CNTD1: variants seen among roughly 807,000 people sequenced by gnomAD.
The protein encoded by CNTD1 is cyclin N-terminal domain containing 1.
CNTD1 carries 17 observed loss-of-function variants against 36.3 expected under a neutral mutation model. The ratio of observed to expected loss-of-function variants is 0.47; its 90% CI spans 0.32 to 0.70. The LOEUF (loss-of-function observed/expected upper bound fraction) is 0.70, where lower values mean the gene tolerates loss of function less well. CNTD1 is among the 30% of genes least tolerant of loss of function. The pLI is 0.03. For synonymous variants in CNTD1, 128 were observed against 153.3 expected (o/e 0.83, Z 1.22); for missense variants, 338 against 386.1 (o/e 0.88, Z 1.04).
intron 3 of CNTD1, among the ~76,000 whole-genome samples, chr17:42,804,935 C>T (rs2054854115): frequency 6.6e-6 from 1 of 152,148 alleles, no homozygotes; most frequent in Non-Finnish European, 1.5e-5. Flanking sequence ...CACACGCACA[C>T]ACATGATCTT....
At position 42,807,748 on chromosome 17, in the gene CNTD1, AT is replaced by A; in HGVS notation, c.726-19del. 1 of 1,544,026 alleles carries A rather than the reference AT, an allele frequency of 6.5e-7. No individual in the cohort carries two copies. Among genetic ancestry groups the A allele is most frequent in the Non-Finnish European group, 9.0e-7 (1 of 1,116,166 alleles). ...AAGTTCCATTCTAGCTTTAAAATTA[AT>A]GTGGTTTTAATCACTCAGGGAAAAG... is the stretch of plus-strand genomic sequence containing the variant. On this transcript the variant is annotated intron_variant, in intron 5 of 6. Coordinates refer to ENST00000588408, the MANE Select transcript of CNTD1 (RefSeq NM_173478.3).
rs1159474658 is a variant in CNTD1, at chr17:42,811,442, T to C, written c.*1907T>C. 3 of 498,592 alleles carry C rather than the reference T, an allele frequency of 6.0e-6. No individual in the cohort carries two copies. Among genetic ancestry groups the C allele is most frequent in the Non-Finnish European group, 1.0e-5 (3 of 300,494 alleles). 30.9% of individuals were successfully genotyped at this position (498,592 alleles called of 1,614,324 possible). ...TATGCCAAGAAAACCCCCTAAACCA[T>C]CTAAGGCAACATTCTTCTACTCCAA... On this transcript the variant is annotated 3_prime_UTR_variant, in exon 7 of 7. Transcript: ENST00000588408.
rs907096980 is a variant in CNTD1, at chr17:42,811,344, A to C, written c.*1809A>C. 2.0e-5 allele frequency: 6 copies of C among 303,854 alleles called. No individual in the cohort carries two copies. The highest frequency in any genetic ancestry group is 1.3e-4 in the African/African-American group (6 of 46,574). The allele number at this position is 303,854 out of a possible 1,614,324, so 18.8% of individuals were successfully genotyped here. On this transcript the variant is annotated 3_prime_UTR_variant, in exon 7 of 7. Transcript: ENST00000588408. The stretch of plus-strand genomic sequence containing the variant: ...ATCAATGGGATCCTAGAAAAATCAA[A>C]AGAAGCATTCCTGTGTATTTCCAAG...
chr17:42,800,832 AACGTG>A (rs1325439630), intron 1 of CNTD1, among the ~76,000 whole-genome samples: 1 of 151,980 alleles, frequency 6.6e-6, no homozygotes, highest in Non-Finnish European at 1.5e-5. Flanking sequence ...GAAGGAGGAA[AACGTG>A]ACTATGCTAA....
chr17:42,801,109 T>C (rs1376862625), intron 1 of CNTD1, among the ~76,000 whole-genome samples: 2 of 135,972 alleles, frequency 1.5e-5, no homozygotes, highest in South Asian at 2.4e-4. Context: ...GGCTTGAACC[T>C]GGGAGGCGGA....
chr17:42,810,625 G>C lies in CNTD1; in HGVS notation c.*1090G>C. 2.2e-6 allele frequency: 2 copies of C among 890,130 alleles called. No homozygotes were observed. Among genetic ancestry groups the C allele is most frequent in the Non-Finnish European group, 3.2e-6 (2 of 621,936 alleles). The allele number at this position is 890,130 out of a possible 1,614,324, so 55.1% of individuals were successfully genotyped here. A position where few individuals can be genotyped will look rare whatever the true frequency, so the allele number is the denominator to read the frequency against. ...GTCACATGATATTTTAAAATAAAGT[G>C]GCTTTTGTGGATTTTTTCTTTTTTG... On this transcript the variant is annotated 3_prime_UTR_variant, in exon 7 of 7. Coordinates refer to ENST00000588408, the MANE Select transcript of CNTD1 (RefSeq NM_173478.3).
chr17:42,808,924 C>T (rs2054933669), intron 6 of CNTD1, among the ~76,000 whole-genome samples: 2 of 152,022 alleles, frequency 1.3e-5, no homozygotes, highest in Non-Finnish European at 2.9e-5. Context: ...TGGCTTGCGC[C>T]TGTAGTCCCA....
At chr17:42,805,503 G>C in intron 3 of CNTD1, 1 of 361,842 alleles carries the variant, frequency 2.8e-6, no homozygotes, top group Non-Finnish European at 5.1e-6. Context: ...GGAGATCCAG[G>C]TATAGAAAAC....
chr17:42,809,709 C>A lies in CNTD1; in HGVS notation c.*174C>A, dbSNP rs1053451506. 4 of 570,808 alleles carry A rather than the reference C, an allele frequency of 7.0e-6. No individual in the cohort carries two copies. The highest frequency in any genetic ancestry group is 7.1e-5 in the Admixed American group (2 of 28,064). 35.4% of individuals were successfully genotyped at this position (570,808 alleles called of 1,614,324 possible). On this transcript the variant is annotated 3_prime_UTR_variant, in exon 7 of 7. Coordinates refer to ENST00000588408, the MANE Select transcript of CNTD1 (RefSeq NM_173478.3). ...GAGAGAGTTAAGGTGGACGAGCATG[C>A]CCTTTTTGTCATATCAGCCTGAAAA...
Position 42,811,434 on chromosome 17 carries a change from C to T in CNTD1, c.*1899C>T, listed in dbSNP as rs769718804. 4.3e-6 allele frequency: 2 copies of T among 469,062 alleles called. No homozygotes were observed. Among genetic ancestry groups the T allele is most frequent in the Non-Finnish European group, 7.1e-6 (2 of 279,948 alleles). 29.1% of individuals were successfully genotyped at this position (469,062 alleles called of 1,614,324 possible). A position where few individuals can be genotyped will look rare whatever the true frequency, so the allele number is the denominator to read the frequency against. ...TTGAGCTCTATGCCAAGAAAACCCC[C>T]TAAACCATCTAAGGCAACATTCTTC... is the stretch of plus-strand genomic sequence containing the variant. On this transcript the variant is annotated 3_prime_UTR_variant, in exon 7 of 7. Coordinates refer to ENST00000588408, the MANE Select transcript of CNTD1 (RefSeq NM_173478.3).
chr17:42,800,247 G>A (rs1374776577), intron 1 of CNTD1, among the ~76,000 whole-genome samples: 2 of 152,038 alleles, frequency 1.3e-5, no homozygotes, highest in Admixed American at 6.6e-5. Flanking sequence ...TGAGAGGAGC[G>A]ATGGGGTAAT....
At chr17:42,803,390 G>A (rs182133594) in intron 1 of CNTD1, among the ~76,000 whole-genome samples, 15 of 152,308 alleles carry the variant, frequency 9.8e-5, no homozygotes, top group Admixed American at 8.5e-4. Flanking sequence ...TCACTGAGGG[G>A]GCTTGGTAAG....
chr17:42,811,522 T>C lies in CNTD1; in HGVS notation c.*1987T>C, dbSNP rs1288928732. 8.4e-7 allele frequency: 1 copy of C among 1,185,954 alleles called. No individual in the cohort carries two copies. The highest frequency in any genetic ancestry group is 1.5e-5 in the African/African-American group (1 of 65,104). 73.5% of individuals were successfully genotyped at this position (1,185,954 alleles called of 1,614,324 possible). On this transcript the variant is annotated 3_prime_UTR_variant, in exon 7 of 7. Transcript: ENST00000588408. Reference sequence around the variant, plus strand: ...GCAGTACTGGGTCAGTCTCTGCCCATCAATGTCATGTGATTCTGTGCCATT... The same window carrying C: ...GCAGTACTGGGTCAGTCTCTGCCCACCAATGTCATGTGATTCTGTGCCATT...
In CNTD1 at chr17:42,810,119, C is replaced by T. The variant is rs2054961765; in HGVS notation, c.*584C>T. 6.6e-6 allele frequency: 1 copy of T among 152,238 alleles called. No homozygotes were observed. Among genetic ancestry groups the T allele is most frequent in the South Asian group, 2.1e-4 (1 of 4,838 alleles). 9.4% of individuals were successfully genotyped at this position (152,238 alleles called of 1,614,324 possible). ...TACTCTATTTTAAAGAAAAACCCAA[C>T]AGTGCACCCCTGGGCAGTTTTCAGA... On this transcript the variant is annotated 3_prime_UTR_variant, in exon 7 of 7. Transcript: ENST00000588408.
chr17:42,807,612 G>A (rs1029831325), intron 5 of CNTD1, among the ~76,000 whole-genome samples, 156 bp from the exon 6 acceptor site: 12 of 152,202 alleles, frequency 7.9e-5, no homozygotes, highest in African/African-American at 2.9e-4. Context: ...GAATGGGAGA[G>A]CAGGTCAATG....
chr17:42,804,121 GA>G, intron 2 of CNTD1, 103 bp from the exon 3 acceptor site: 2 of 1,095,410 alleles, frequency 1.8e-6, no homozygotes, highest in Non-Finnish European at 2.6e-6. Flanking sequence ...TTACAGGTGT[GA>G]GCCACCATGC....
chr17:42,804,352 G>A lies in CNTD1; in HGVS notation c.373G>A (p.Val125Met), dbSNP rs2054842151. The A allele has an allele frequency of 6.2e-7, 1 of 1,614,120 alleles. No individual in the cohort carries two copies. The highest frequency in any genetic ancestry group is 1.7e-5 in the Admixed American group (1 of 60,012). ...QLVNKFTLRL[V>M]SCVQLASKLS... is the part of the protein sequence containing the mutation. The stretch of plus-strand genomic sequence containing the variant: ...TGTCAACAAGTTTACTCTCCGTCTT[G>A]TGTCATGTGTTCAGCTGGCCAGCAA... Residue 125 changes from valine (V) to methionine (M), a missense_variant, in exon 3 of 7, where the codon GTG becomes ATG. Val to Met is a conservative substitution (Grantham distance 21). Transcript: ENST00000588408.
Position 42,799,137 on chromosome 17 carries a change from A to AC in CNTD1, c.71dup (p.Ile25AspfsTer2). 1 of 1,613,856 alleles carries AC rather than the reference A, an allele frequency of 6.2e-7. No homozygotes were observed. Among genetic ancestry groups the AC allele is most frequent in the Non-Finnish European group, 8.5e-7 (1 of 1,179,952 alleles). On this transcript the variant is annotated frameshift_variant, in exon 1 of 7. Transcript: ENST00000588408. LOFTEE classifies it high-confidence loss of function. ...TCAGTTTGGAGTTGTCGCCACAGAG[A>AC]CGATTGAAGACGCCCTGCTTCACTT...
intron 6 of CNTD1, 92 bp from the exon 7 acceptor site, chr17:42,809,273 C>A (rs578002446): frequency 1.2e-4 from 142 of 1,202,794 alleles, no homozygotes; most frequent in Non-Finnish European, 1.5e-4. Flanking sequence ...TTTACAATTG[C>A]CTTGAGAGAA....
Sources: gnomAD v4.1 joint callset for allele counts (sites outside exome capture counted in the v4.1 genomes callset) on GRCh38, gnomAD v4.1.1 for gene constraint, MANE v1.5 for transcripts, NCBI Gene and HGNC (gene_info 2026-07-23, HGNC 2026-07-21) for gene names.